The following SH3BGRL2 variants were observed in gnomAD, a reference collection of about 807,000 sequenced individuals.
SH3BGRL2 encodes SH3 domain-binding glutamic acid-rich-like protein 2.
In SH3BGRL2, 21 loss-of-function variants were observed where a neutral mutation model predicts 14.8. That is an observed-to-expected ratio of 1.42 (90% CI 1.01 to 2.05). The LOEUF is 2.05. SH3BGRL2 is among the 30% of genes most tolerant of loss of function. The probability of loss-of-function intolerance (pLI) is 0.00; values close to 1 mark genes in which losing one functional copy is unlikely to be tolerated. For synonymous variants in SH3BGRL2, 50 were observed against 47.8 expected (o/e 1.05, Z -0.19); for missense variants, 147 against 130.8 (o/e 1.12, Z -0.61).
intron 2 of SH3BGRL2, among the ~76,000 whole-genome samples, chr6:79,695,520 TC>T (rs1770313364): frequency 6.6e-6 from 1 of 152,216 alleles, no homozygotes; most frequent in Non-Finnish European, 1.5e-5. Flanking sequence ...ATACTTGGTT[TC>T]CTTTTGGGCA....
chr6:79,685,774 C>G (rs1460684600), intron 2 of SH3BGRL2, among the ~76,000 whole-genome samples: 1 of 152,160 alleles, frequency 6.6e-6, no homozygotes, highest in African/African-American at 2.4e-5. Flanking sequence ...TCCTACTTTA[C>G]TAAATCCCTG....
At chr6:79,694,368 T>C (rs1035637219) in intron 2 of SH3BGRL2, among the ~76,000 whole-genome samples, 12 of 152,208 alleles carry the variant, frequency 7.9e-5, no homozygotes, top group Admixed American at 6.5e-4. Context: ...ACAGAATTAT[T>C]TATTGAACTC....
In SH3BGRL2 at chr6:79,644,568, T is replaced by G. The variant is rs534911644; in HGVS notation, c.45+13062T>G. The stretch of plus-strand genomic sequence containing the variant: ...ATAAGCTTGGTAGATAGAAGAAATT[T>G]GTGTGATACAAGGGCAGTGATGAGT... On this transcript the variant is annotated intron_variant, in intron 1 of 3. Transcript: ENST00000369838. Among the ~76,000 whole-genome samples, 3 of 152,288 alleles carry G rather than the reference T, an allele frequency of 2.0e-5. No homozygotes were observed. In the East Asian group the frequency reaches 5.8e-4, roughly 29 times the overall value.
chr6:79,612,867 G>A, the SH3BGRL2 span, among the ~76,000 whole-genome samples: 38 of 152,298 alleles, frequency 2.5e-4, no homozygotes, highest in African/African-American at 8.9e-4. Context: ...TGATTAAGTG[G>A]GATGTGCACA....
intron 1 of SH3BGRL2, among the ~76,000 whole-genome samples, chr6:79,669,692 A>C (rs1004280920): frequency 3.3e-5 from 5 of 151,852 alleles, no homozygotes; most frequent in African/African-American, 1.2e-4. Context: ...TGATCCCCCC[A>C]CCTCAGACTC....
chr6:79,701,611 T>C lies in SH3BGRL2; in HGVS notation c.*2102T>C, dbSNP rs1391385840. On this transcript the variant is annotated 3_prime_UTR_variant, in exon 4 of 4. Transcript: ENST00000369838. ...GCCATCTCCCCACCCCATTTTTTTTTTTTTTTTTTTGATCAGCAAAGAAAT... is the reference window on the plus strand; with the variant it reads ...GCCATCTCCCCACCCCATTTTTTTTCTTTTTTTTTTGATCAGCAAAGAAAT... 6.6e-6 allele frequency: 1 copy of C among 150,816 alleles called. No individual in the cohort carries two copies. Among genetic ancestry groups the C allele is most frequent in the Non-Finnish European group, 1.5e-5 (1 of 67,774 alleles). The allele number at this position is 150,816 out of a possible 1,614,324, so 9.3% of individuals were successfully genotyped here.
At chr6:79,594,341 A>G in the SH3BGRL2 span, among the ~76,000 whole-genome samples, 1 of 152,162 alleles carries the variant, frequency 6.6e-6, no homozygotes. Context: ...GCTTTGAGCT[A>G]TTCTTTGTTG....
chr6:79,695,783 A>T (rs755468257), intron 2 of SH3BGRL2, among the ~76,000 whole-genome samples: 1 of 152,226 alleles, frequency 6.6e-6, no homozygotes, highest in Non-Finnish European at 1.5e-5. Context: ...TAAAGTTATC[A>T]AATTACCAAA....
At chr6:79,584,584 G>C in the SH3BGRL2 span, among the ~76,000 whole-genome samples, 1 of 152,170 alleles carries the variant, frequency 6.6e-6, no homozygotes, top group Admixed American at 6.5e-5. Flanking sequence ...CTTAGGAGGA[G>C]AAAGATGTGT....
At chr6:79,658,202 T>C in intron 1 of SH3BGRL2, among the ~76,000 whole-genome samples, 1 of 152,152 alleles carries the variant, frequency 6.6e-6, no homozygotes, top group East Asian at 1.9e-4. Context: ...AGTGTGCAGG[T>C]TTGTTGCATA....
the SH3BGRL2 span, among the ~76,000 whole-genome samples, chr6:79,559,261 C>T: frequency 4.0e-5 from 6 of 151,798 alleles, no homozygotes; most frequent in Middle Eastern, 3.4e-3. Context: ...TCCAGGAGTA[C>T]GAGACCAGCC....
the SH3BGRL2 span, among the ~76,000 whole-genome samples, chr6:79,543,379 T>C: frequency 2.0e-5 from 3 of 152,158 alleles, no homozygotes; most frequent in African/African-American, 4.8e-5. Context: ...AGCTAACCTA[T>C]TGGACAACAC....
chr6:79,648,928 A>G (rs189320071), intron 1 of SH3BGRL2, among the ~76,000 whole-genome samples: 15 of 152,288 alleles, frequency 9.8e-5, no homozygotes, highest in African/African-American at 3.6e-4. Context: ...GTAGAATTCT[A>G]TTCGATATCA....
At chr6:79,680,001 T>C (rs1769958800) in intron 2 of SH3BGRL2, among the ~76,000 whole-genome samples, 2 of 152,220 alleles carry the variant, frequency 1.3e-5, no homozygotes, top group South Asian at 4.1e-4. Flanking sequence ...AGCTATCTGA[T>C]TGGCAAATAT....
intron 1 of SH3BGRL2, among the ~76,000 whole-genome samples, chr6:79,637,142 C>G (rs1425431962): frequency 6.6e-6 from 1 of 152,170 alleles, no homozygotes. Context: ...ATGAGGTCTT[C>G]TGCTAGAAAA....
chr6:79,561,246 AAAATT>A, the SH3BGRL2 span: 3 of 151,902 alleles, frequency 2.0e-5, no homozygotes, highest in Non-Finnish European at 4.4e-5. Flanking sequence ...TAATAATACT[AAAATT>A]AATTTAAATA....
rs77067071 is a variant in SH3BGRL2 at position 79,635,542 on chromosome 6, A to G, written c.45+4036A>G. Reference sequence around the variant, plus strand: ...CAGAACAGACATGTACTCTGCCCTCATGGCATAAATCAGTGCTGTCTCTCT... The same window carrying G: ...CAGAACAGACATGTACTCTGCCCTCGTGGCATAAATCAGTGCTGTCTCTCT... On this transcript the variant is annotated intron_variant, in intron 1 of 3. Coordinates refer to ENST00000369838, the MANE Select transcript of SH3BGRL2 (RefSeq NM_031469.4). Among the ~76,000 whole-genome samples, 72 of 152,378 alleles carry G rather than the reference A, an allele frequency of 4.7e-4. 1 individual carries two copies. In the East Asian group the frequency reaches 0.013, roughly 27 times the overall value.
the SH3BGRL2 span, among the ~76,000 whole-genome samples, chr6:79,568,965 C>G: frequency 3.9e-5 from 6 of 152,110 alleles, no homozygotes; most frequent in Non-Finnish European, 5.9e-5. Context: ...GAGATTTATT[C>G]TAAGCCAAAT....
At chr6:79,601,510 G>A in the SH3BGRL2 span, among the ~76,000 whole-genome samples, 2 of 152,200 alleles carry the variant, frequency 1.3e-5, no homozygotes, top group Non-Finnish European at 1.5e-5. Flanking sequence ...GGAGTTTTAA[G>A]TGTGTCTGCA....
Sources: gnomAD v4.1 joint callset for allele counts (sites outside exome capture counted in the v4.1 genomes callset) on GRCh38, gnomAD v4.1.1 for gene constraint, MANE v1.5 for transcripts, NCBI Gene and HGNC (gene_info 2026-07-23, HGNC 2026-07-21) for gene names.